The following DMKN variants were observed in gnomAD, a reference collection of about 807,000 sequenced individuals.
The protein encoded by DMKN is dermokine.
In DMKN, 58 loss-of-function variants were observed where a neutral mutation model predicts 67.6. The observed-to-expected ratio is 0.86, with a 90% CI of 0.69 to 1.07. DMKN has a LOEUF of 1.07. Ranked by LOEUF, DMKN falls within the 50% of genes least tolerant of loss-of-function variation. The pLI is 0.00. For missense variants in DMKN, 596 were observed against 601.5 expected (o/e 0.99, Z 0.10); for synonymous variants, 240 against 232.3 (o/e 1.03, Z -0.30).
chr19:35,500,073 G>T lies in DMKN; in HGVS notation c.1288-44C>A, dbSNP rs199729789. 1.3e-5 allele frequency: 21 copies of T among 1,607,788 alleles called. No individual in the cohort carries two copies. In the South Asian group the frequency reaches 1.8e-4, roughly 13 times the overall value. The stretch of plus-strand genomic sequence containing the variant: ...TGGCGGTTAGAACAGACGGACGAAG[G>T]CCATTTTGCTCTGGAATAAACATCC... On this transcript the variant is annotated intron_variant, in intron 12 of 15. Coordinates refer to ENST00000339686, the MANE Select transcript of DMKN (RefSeq NM_033317.5).
chr19:35,511,779 C>T lies in DMKN; in HGVS notation c.719G>A (p.Gly240Asp), dbSNP rs1405700730. 6.2e-7 allele frequency: 1 copy of T among 1,613,296 alleles called. No individual in the cohort carries two copies. The highest frequency in any genetic ancestry group is 1.1e-5 in the South Asian group (1 of 90,914). The change falls in exon 4 of 16, where the codon GGC becomes GAC. Residue 240 changes from glycine to aspartate, a missense_variant. Physicochemically the swap from Gly to Asp is moderately conservative, Grantham distance 94. Transcript: ENST00000339686. ...TCCACTCACCCCAGAGTTGCTGGAGCCTCCACCTGAGCCAGATGGTGGGGG... is the reference window on the plus strand; with the variant it reads ...TCCACTCACCCCAGAGTTGCTGGAGTCTCCACCTGAGCCAGATGGTGGGGG... ...TNPPPSGSGG[G>D]SSNSGGGSGS... is the part of the protein sequence containing the mutation.
intron 11 of DMKN, among the ~76,000 whole-genome samples, chr19:35,501,115 A>ACC (rs113521227): frequency 2.6e-5 from 4 of 151,368 alleles, no homozygotes; most frequent in African/African-American, 9.7e-5. Context: ...TGCACCGGAC[A>ACC]CCCCCCCCAG....
chr19:35,497,759 A>C (rs1349557093), intron 15 of DMKN: 4 of 152,478 alleles, frequency 2.6e-5, no homozygotes, highest in East Asian at 1.9e-4. Flanking sequence ...CCACCTCTGA[A>C]CCCTTCCACC....
chr19:35,499,820 G>C (rs1262346955), intron 13 of DMKN, 138 bp downstream of exon 13: 4 of 830,176 alleles, frequency 4.8e-6, no homozygotes, highest in Middle Eastern at 3.7e-4. Flanking sequence ...CCTTGCAAAG[G>C]GGTGGGGAGG....
At position 35,511,826 on chromosome 19, in the gene DMKN, A is replaced by AGGGATGGTGAGTTTG. The variant is rs777187097; in HGVS notation, c.685-28_685-14dup. 176 of 1,610,288 alleles carry AGGGATGGTGAGTTTG rather than the reference A, an allele frequency of 1.1e-4. No homozygotes were observed. In the Middle Eastern group the frequency reaches 1.3e-3, roughly 12 times the overall value. ...GGGGATTCGTGCACTGTCGAGGGAA[A>AGGGATGGTGAGTTTG]GGGATGGTGAGTTTGGGGACGGTGA... On this transcript the variant is annotated splice_polypyrimidine_tract_variant and intron_variant, in intron 3 of 15. Coordinates refer to ENST00000339686, the MANE Select transcript of DMKN (RefSeq NM_033317.5).
At chr19:35,510,438 A>C (rs751320084) in intron 5 of DMKN, 186 bp from the exon 6 acceptor site, 52 of 1,552,154 alleles carry the variant, frequency 3.4e-5, no homozygotes, top group Non-Finnish European at 4.4e-5. Context: ...GGAGAAGGCC[A>C]GGTGTGGCCG....
chr19:35,501,654 T>C, intron 11 of DMKN: 1 of 640,822 alleles, frequency 1.6e-6, no homozygotes, highest in South Asian at 2.7e-5. Flanking sequence ...CTCCCCATCC[T>C]CCCTGACCCA....
At chr19:35,500,698 G>T in intron 11 of DMKN, 118 bp from the exon 12 acceptor site, 1 of 1,187,388 alleles carries the variant, frequency 8.4e-7, no homozygotes, top group Non-Finnish European at 1.2e-6. Flanking sequence ...TATAGAGAAG[G>T]CAGTGAGCCT....
At chr19:35,507,203 T>A (rs1191938910) in intron 7 of DMKN, 1 of 404,536 alleles carries the variant, frequency 2.5e-6, no homozygotes, top group Non-Finnish European at 4.5e-6. Flanking sequence ...TGACCATTCT[T>A]CTGTTACTTT....
intron 10 of DMKN, 104 bp downstream of exon 10, chr19:35,502,726 T>A (rs2068637569): frequency 8.2e-7 from 1 of 1,218,286 alleles, no homozygotes; most frequent in Non-Finnish European, 1.2e-6. Flanking sequence ...GGGGGGGAGT[T>A]TTGAAACAGG....
chr19:35,498,595 T>C (rs756180446), intron 15 of DMKN, 121 bp downstream of exon 15: 9 of 1,378,866 alleles, frequency 6.5e-6, no homozygotes, highest in Non-Finnish European at 8.9e-6. Flanking sequence ...ACCCAGAGCA[T>C]ACCTGACTTC....
rs756328968 is a variant in DMKN, at chr19:35,512,731, C to T, written c.486G>A (p.Gln162=). 4 of 1,614,140 alleles carry T rather than the reference C, an allele frequency of 2.5e-6. No individual in the cohort carries two copies. The Admixed American group carries it at 6.7e-5, about 27-fold the overall frequency. ...GSQGGLGGQG[Q]GNPGGLGTPW... is the part of the protein sequence containing the mutation. The stretch of plus-strand genomic sequence containing the variant: ...GAGTCCCCAGACCTCCAGGATTGCC[C>T]TGGCCCTGGCCTCCAAGGCCACCTT... Residue 162 remains glutamine (Q), a synonymous_variant, in exon 2 of 16, where the codon CAG becomes CAA. Coordinates refer to ENST00000339686, the MANE Select transcript of DMKN (RefSeq NM_033317.5).
chr19:35,512,334 C>A (rs1432891269), intron 3 of DMKN, 87 bp downstream of exon 3: 73 of 1,533,000 alleles, frequency 4.8e-5, no homozygotes, highest in Non-Finnish European at 5.9e-5. Flanking sequence ...TCCACTCCCC[C>A]ATCTTGCTTT....
Position 35,512,768 on chromosome 19 carries a change from A to T in DMKN, c.449T>A (p.Ile150Asn), listed in dbSNP as rs2071047565. 1 of 1,613,676 alleles carries T rather than the reference A, an allele frequency of 6.2e-7. No individual in the cohort carries two copies. The highest frequency in any genetic ancestry group is 8.5e-7 in the Non-Finnish European group (1 of 1,179,982). ...GAWETSGGHG[I>N]FGSQGGLGGQ... The stretch of plus-strand genomic sequence containing the variant: ...TCCAAGGCCACCTTGAGAGCCAAAG[A>T]TGCCATGGCCTCCAGAAGTTTCCTG... Residue 150 changes from isoleucine to asparagine, a missense_variant, in exon 2 of 16, where the codon ATC becomes AAC. Physicochemically the swap from Ile to Asn is moderately radical, Grantham distance 149. Transcript: ENST00000339686.
At chr19:35,502,696 CTCTGTCTCAAAAAA>C (rs2068625580) in intron 10 of DMKN, 120 bp downstream of exon 10, 1 of 881,574 alleles carries the variant, frequency 1.1e-6, no homozygotes, top group Non-Finnish European at 1.8e-6. Context: ...TAGAGCGAGA[CTCTGTCTCAAAAAA>C]AAAAAGGGGG....
rs1337521663 is a variant in DMKN at position 35,512,624 on chromosome 19, T to G, written c.593A>C (p.Asn198Thr). The change falls in exon 2 of 16, where the codon AAT (asparagine) becomes ACT (threonine). Residue 198 changes from asparagine (N) to threonine (T), a missense_variant. By Grantham distance (65) the Asn-to-Thr change is moderately conservative (BLOSUM62 0). Coordinates refer to ENST00000339686, the MANE Select transcript of DMKN (RefSeq NM_033317.5). Reference sequence around the variant, plus strand: ...GGTCCCAAAGTTTGGTGGCCCTCCATTGCCTCCTTGACCCCAGGGAGCTCC... The same window carrying G: ...GGTCCCAAAGTTTGGTGGCCCTCCAGTGCCTCCTTGACCCCAGGGAGCTCC... Reference protein sequence around the residue: ...PQGAPWGQGGNGGPPNFGTNT... With the variant: ...PQGAPWGQGGTGGPPNFGTNT... 6.2e-7 allele frequency: 1 copy of G among 1,614,084 alleles called. No individual in the cohort carries two copies. Among genetic ancestry groups the G allele is most frequent in the East Asian group, 2.2e-5 (1 of 44,862 alleles).
intron 10 of DMKN, 79 bp from the exon 11 acceptor site, chr19:35,502,262 C>T (rs1463599245): frequency 7.0e-7 from 1 of 1,437,172 alleles, no homozygotes; most frequent in South Asian, 1.1e-5. Flanking sequence ...GGGGGGATTC[C>T]AGATCTCGGG....
intron 10 of DMKN, 142 bp downstream of exon 10, chr19:35,502,688 G>C (rs939584453): frequency 2.4e-6 from 2 of 816,696 alleles, no homozygotes; most frequent in Non-Finnish European, 4.1e-6. Flanking sequence ...CTGGGTGATA[G>C]AGCGAGACTC....
Position 35,498,658 on chromosome 19 carries a change from G to A in DMKN, c.*58C>T, listed in dbSNP as rs867609957. ...TATACCAAGATCCTGGCCCTGCCCC[G>A]GGTGACTGTGCCTCCACTGCCAGGA... On this transcript the variant is annotated intron_variant, in intron 15 of 15. Transcript: ENST00000339686. 80 of 1,609,208 alleles carry A rather than the reference G, an allele frequency of 5.0e-5. 1 individual carries two copies. The highest frequency in any genetic ancestry group is 2.0e-4 in the Middle Eastern group (1 of 5,078).
Sources: gnomAD v4.1 joint callset for allele counts (sites outside exome capture counted in the v4.1 genomes callset) on GRCh38, gnomAD v4.1.1 for gene constraint, MANE v1.5 for transcripts, NCBI Gene and HGNC (gene_info 2026-07-23, HGNC 2026-07-21) for gene names.